The following RAD52 variants were observed in gnomAD, a reference collection of about 807,000 sequenced individuals.
RAD52 encodes the protein DNA repair protein RAD52 homolog.
Under a neutral mutation model 55.5 loss-of-function variants are expected in RAD52, and 47 were observed. The observed-to-expected ratio is 0.85, with a 90% CI of 0.67 to 1.08. RAD52 has a LOEUF of 1.08. Among genes scored for constraint, RAD52 ranks in the 50% least tolerant of loss-of-function variants. The probability of loss-of-function intolerance (pLI) is 0.00; values close to 1 mark genes in which losing one functional copy is unlikely to be tolerated. For synonymous variants in RAD52, 184 were observed against 198.9 expected (o/e 0.92, Z 0.63); for missense variants, 468 against 522.8 (o/e 0.90, Z 1.02).
chr12:949,100 G>A (rs1026735063), intron 1 of RAD52, among the ~76,000 whole-genome samples: 1 of 152,046 alleles, frequency 6.6e-6, no homozygotes, highest in Admixed American at 6.6e-5. Context: ...CTGTCGCCCG[G>A]GACGGAGTGT....
At chr12:990,994 G>A (rs1959182693), upstream of RAD52, 1 of 151,514 alleles carries the variant, frequency 6.6e-6, no homozygotes, top group Admixed American at 6.6e-5. Flanking sequence ...CCATCACTCT[G>A]TTTCGGTGCT....
chr12:985,496 T>A (rs1959074443), intron 1 of RAD52, among the ~76,000 whole-genome samples: 1 of 152,192 alleles, frequency 6.6e-6, no homozygotes, highest in Non-Finnish European at 1.5e-5. Flanking sequence ...TAAGAAACTA[T>A]TGCCTAATCC....
intron 1 of RAD52, among the ~76,000 whole-genome samples, chr12:988,641 C>T (rs1487839466): frequency 6.6e-6 from 1 of 152,192 alleles, no homozygotes. Context: ...TGCATCAAGA[C>T]ATGGCGGAGA....
intron 1 of RAD52, among the ~76,000 whole-genome samples, chr12:955,293 G>GT (rs1958588963): frequency 6.6e-6 from 1 of 152,196 alleles, no homozygotes; most frequent in East Asian, 1.9e-4. Context: ...GAAATTAAGA[G>GT]TATGTTTACA....
chr12:921,866 GA>G (rs1310271331), intron 7 of RAD52, among the ~76,000 whole-genome samples: 1 of 152,088 alleles, frequency 6.6e-6, no homozygotes, highest in Non-Finnish European at 1.5e-5. Flanking sequence ...ATCACTTTGG[GA>G]GGCCAAGGCG....
chr12:960,112 A>G (rs1958662815), intron 1 of RAD52, among the ~76,000 whole-genome samples: 1 of 152,206 alleles, frequency 6.6e-6, no homozygotes, highest in Non-Finnish European at 1.5e-5. Context: ...ATAAAGGACC[A>G]AGGGCACTTT....
chr12:924,236 C>T (rs994701914), intron 7 of RAD52, among the ~76,000 whole-genome samples: 3 of 151,776 alleles, frequency 2.0e-5, no homozygotes, highest in Non-Finnish European at 4.4e-5. Context: ...GGTGAAACCC[C>T]GTCTCTACTA....
Position 931,203 on chromosome 12 carries a change from C to G in RAD52, c.186+17G>C. ...GCGGTATGGATGCCTGCTTTCCAGGCACATGAATTCTCCTACCTTCTGGCC... is the reference window on the plus strand; with the variant it reads ...GCGGTATGGATGCCTGCTTTCCAGGGACATGAATTCTCCTACCTTCTGGCC... On this transcript the variant is annotated intron_variant, in intron 3 of 11. Transcript: ENST00000358495. 6.2e-7 allele frequency: 1 copy of G among 1,602,848 alleles called. No homozygotes were observed. Among genetic ancestry groups the G allele is most frequent in the Non-Finnish European group, 8.5e-7 (1 of 1,172,350 alleles).
chr12:952,172 C>T (rs908109215), upstream of RAD52, among the ~76,000 whole-genome samples: 3 of 152,140 alleles, frequency 2.0e-5, no homozygotes, highest in African/African-American at 7.2e-5. Flanking sequence ...CTATGTTGCT[C>T]AGGCTGGTCT....
chr12:951,382 G>T (rs1958523880), upstream of RAD52, among the ~76,000 whole-genome samples: 1 of 152,204 alleles, frequency 6.6e-6, no homozygotes, highest in Non-Finnish European at 1.5e-5. Context: ...AAAGCACTGG[G>T]ATTACAGGTG....
At chr12:935,331 A>G (rs1957555390) in intron 1 of RAD52, among the ~76,000 whole-genome samples, 1 of 151,988 alleles carries the variant, frequency 6.6e-6, no homozygotes, top group African/African-American at 2.4e-5. Context: ...CTACAGAGCA[A>G]AAAGCCACTT....
chr12:982,845 C>A (rs553430398), intron 1 of RAD52, among the ~76,000 whole-genome samples: 79 of 148,368 alleles, frequency 5.3e-4, no homozygotes, highest in Middle Eastern at 3.4e-3. Context: ...CACCACGATG[C>A]CTGCTAATTT....
chr12:962,994 C>A (rs751039419), intron 1 of RAD52, among the ~76,000 whole-genome samples: 5 of 152,148 alleles, frequency 3.3e-5, no homozygotes, highest in Non-Finnish European at 7.4e-5. Context: ...TCAAACAATC[C>A]TTCTGCCTTG....
chr12:925,341 T>C lies in RAD52; in HGVS notation c.543+109A>G, dbSNP rs1384865052. On this transcript the variant is annotated intron_variant, in intron 7 of 11. Transcript: ENST00000358495. ...TCTGAAATCAACATTCCCGACCCTCTAAAGAGCTGAGTCCTCACTTTTTCT... is the reference window on the plus strand; with the variant it reads ...TCTGAAATCAACATTCCCGACCCTCCAAAGAGCTGAGTCCTCACTTTTTCT... The C allele has an allele frequency of 4.0e-5, 36 of 901,638 alleles. 1 individual carries two copies. The highest frequency in any genetic ancestry group is 7.4e-6 in the Non-Finnish European group (4 of 542,518). The allele number at this position is 901,638 out of a possible 1,614,324, so 55.9% of individuals were successfully genotyped here.
intron 1 of RAD52, among the ~76,000 whole-genome samples, chr12:984,145 TC>T (rs1466985388): frequency 2.0e-5 from 3 of 152,180 alleles, no homozygotes; most frequent in African/African-American, 7.2e-5. Context: ...AAACACTCCC[TC>T]TTCCCCCTCC....
At position 929,807 on chromosome 12, in the gene RAD52, C is replaced by T; in HGVS notation, c.348+12G>A. 2 of 1,609,616 alleles carry T rather than the reference C, an allele frequency of 1.2e-6. No homozygotes were observed. Among genetic ancestry groups the T allele is most frequent in the Middle Eastern group, 1.7e-4 (1 of 6,052 alleles). ...GATCCTTCCGGGCAGCAGGTCTACT[C>T]CATCCCCTCACCTTCAGCTGGACCC... On this transcript the variant is annotated intron_variant, in intron 5 of 11. Transcript: ENST00000358495.
intron 1 of RAD52, among the ~76,000 whole-genome samples, chr12:955,496 C>A (rs1289927223): frequency 6.9e-6 from 1 of 145,804 alleles, no homozygotes; most frequent in Non-Finnish European, 1.5e-5. Context: ...TTTTTTGAGA[C>A]GGAGTCTCAC....
Position 933,046 on chromosome 12 carries a change from C to T in RAD52, c.13G>A (p.Glu5Lys). The stretch of plus-strand genomic sequence containing the variant: ...TCACGTCCTCCAAGAATTGCTTCCT[C>T]AGTCCCAGACATCTTGATTCTGGTT... MSGT[E>K]EAILGGRDSH... is the part of the protein sequence containing the mutation. The change falls in exon 2 of 12, where the codon GAG becomes AAG. Residue 5 changes from glutamate to lysine, a missense_variant. Glu to Lys is a moderately conservative substitution (Grantham distance 56). Coordinates refer to ENST00000358495, the MANE Select transcript of RAD52 (RefSeq NM_134424.4). 6.2e-7 allele frequency: 1 copy of T among 1,613,658 alleles called. No homozygotes were observed. The highest frequency in any genetic ancestry group is 1.1e-5 in the South Asian group (1 of 91,076).
At chr12:929,128 A>G (rs1957194547) in intron 5 of RAD52, among the ~76,000 whole-genome samples, 1 of 152,190 alleles carries the variant, frequency 6.6e-6, no homozygotes, top group Non-Finnish European at 1.5e-5. Flanking sequence ...GGCCTCCCAA[A>G]GTGCTGGGGT....
Sources: allele counts gnomAD v4.1 joint callset (sites outside exome capture counted in the v4.1 genomes callset), GRCh38; gene constraint gnomAD v4.1.1; transcripts MANE v1.5; gene names NCBI Gene and HGNC (gene_info 2026-07-23, HGNC 2026-07-21).